Variants in NSMAF observed in about 807,000 individuals in gnomAD.
The protein encoded by NSMAF is neutral sphingomyelinase activation associated factor, also known as protein FAN.
In NSMAF, 90 loss-of-function variants were observed where a neutral mutation model predicts 134.9. The observed-to-expected ratio is 0.67, with a 90% confidence interval of 0.56 to 0.79. The LOEUF is 0.79. Among genes scored for constraint, NSMAF ranks in the 30% least tolerant of loss-of-function variants. The pLI is 0.00. For missense variants in NSMAF, 1,010 were observed against 1,119.0 expected, an observed-to-expected ratio of 0.90 and a Z score of 1.39; for synonymous variants, 358 against 389.6, an observed-to-expected ratio of 0.92 and a Z score of 0.96.
chr8:58,590,550 T>C (rs1430761938), intron 24 of NSMAF, among the ~76,000 whole-genome samples: 1 of 152,204 alleles, frequency 6.6e-6, no homozygotes, highest in African/African-American at 2.4e-5. Flanking sequence ...TCCTACCAAC[T>C]CAGAGATGCA....
At position 58,599,883 on chromosome 8, in the gene NSMAF, G is replaced by T; in HGVS notation, c.1333-13C>A. On this transcript the variant is annotated splice_polypyrimidine_tract_variant and intron_variant, in intron 17 of 30. Coordinates refer to ENST00000038176, the MANE Select transcript of NSMAF (RefSeq NM_003580.4). Reference sequence around the variant, plus strand: ...ATTCTGGAATTAACTGAAAGTTTCGGGGAAAAATAAAAAAGAACAACAAAC... The same window carrying T: ...ATTCTGGAATTAACTGAAAGTTTCGTGGAAAAATAAAAAAGAACAACAAAC... 6.2e-7 allele frequency: 1 copy of T among 1,611,458 alleles called. No individual in the cohort carries two copies. Among genetic ancestry groups the T allele is most frequent in the Non-Finnish European group, 8.5e-7 (1 of 1,179,346 alleles).
chr8:58,607,852 G>T lies in NSMAF; in HGVS notation c.688-12C>A, dbSNP rs1231148870. On this transcript the variant is annotated splice_polypyrimidine_tract_variant and intron_variant, in intron 10 of 30. Coordinates refer to ENST00000038176, the MANE Select transcript of NSMAF (RefSeq NM_003580.4). Reference sequence around the variant, plus strand: ...TGGACCACAGGTTTCTTTAAAAGTAGAAAGACAATCTCAAACATTATTGTT... The same window carrying T: ...TGGACCACAGGTTTCTTTAAAAGTATAAAGACAATCTCAAACATTATTGTT... The T allele has an allele frequency of 1.2e-6, 2 of 1,605,892 alleles. No individual in the cohort carries two copies. The highest frequency in any genetic ancestry group is 3.3e-5 in the Admixed American group (2 of 60,004).
At chr8:58,597,657 T>C in intron 20 of NSMAF, 107 bp from the exon 21 acceptor site, 5 of 1,098,402 alleles carry the variant, frequency 4.6e-6, no homozygotes, top group Non-Finnish European at 6.7e-6. Flanking sequence ...CCTCAAATAA[T>C]GACAGCAACT....
At chr8:58,592,462 A>T (rs372581839) in intron 23 of NSMAF, among the ~76,000 whole-genome samples, 8 of 152,368 alleles carry the variant, frequency 5.3e-5, no homozygotes, top group African/African-American at 1.9e-4. Flanking sequence ...ATACCTAAAC[A>T]TACTGTATAC....
At chr8:58,627,394 A>G (rs1303556323) in intron 6 of NSMAF, among the ~76,000 whole-genome samples, 1 of 152,210 alleles carries the variant, frequency 6.6e-6, no homozygotes, top group East Asian at 1.9e-4. Context: ...AAGGGCATCC[A>G]AATTGGAAAA....
At chr8:58,602,257 T>G in intron 13 of NSMAF, 120 bp from the exon 14 acceptor site, 1 of 659,000 alleles carries the variant, frequency 1.5e-6, no homozygotes, top group Non-Finnish European at 2.5e-6. Flanking sequence ...GAGCAATCCA[T>G]GAGAGTTATT....
chr8:58,596,728 G>C (rs1806143477), intron 21 of NSMAF, among the ~76,000 whole-genome samples: 1 of 152,110 alleles, frequency 6.6e-6, no homozygotes, highest in African/African-American at 2.4e-5. Context: ...AGGAGATCGA[G>C]ACCATCCTGG....
chr8:58,608,621 C>T (rs758603547), intron 10 of NSMAF, among the ~76,000 whole-genome samples: 116 of 152,304 alleles, frequency 7.6e-4, no homozygotes, highest in South Asian at 1.7e-3. Flanking sequence ...CTAGGGTACA[C>T]AGACATTTTT....
chr8:58,623,314 A>G (rs778689194), intron 8 of NSMAF, 42 bp from the exon 9 acceptor site: 5 of 1,569,448 alleles, frequency 3.2e-6, no homozygotes, highest in Non-Finnish European at 4.4e-6. Context: ...ATAAGTATTT[A>G]TAAGTAAAAT....
Position 58,590,040 on chromosome 8 carries a change from G to C in NSMAF, c.2054C>G (p.Ala685Gly). Residue 685 changes from alanine to glycine, a missense_variant, in exon 25 of 31, where the codon GCC (alanine) becomes GGC (glycine). Physicochemically the swap from Ala to Gly is moderately conservative, Grantham distance 60. Coordinates refer to ENST00000038176, the MANE Select transcript of NSMAF (RefSeq NM_003580.4). The part of the protein sequence containing the change: ...LSSCLLLPGD[A>G]TVITSSWDNN... ...ATCCCATGAAGAAGTTATGACAGTG[G>C]CATCTCCTGGTAAAAGTAAACAAGA... 1.2e-6 allele frequency: 2 copies of C among 1,613,910 alleles called. No individual in the cohort carries two copies. Among genetic ancestry groups the C allele is most frequent in the Non-Finnish European group, 1.7e-6 (2 of 1,179,806 alleles).
At position 58,612,355 on chromosome 8, in the gene NSMAF, G is replaced by A. The variant is rs75535763; in HGVS notation, c.558-2622C>T. Among the ~76,000 whole-genome samples the A allele has an allele frequency of 1.9e-3, 283 of 152,256 alleles. 12 individuals carry two copies. The East Asian group carries it at 0.052, about 28-fold the overall frequency. Reference sequence around the variant, plus strand: ...TCTGGGTTGCTGAAGACATCTATGTGCCAGGAGGGTGATGTACCCTCACTC... The same window carrying A: ...TCTGGGTTGCTGAAGACATCTATGTACCAGGAGGGTGATGTACCCTCACTC... On this transcript the variant is annotated intron_variant, in intron 9 of 30. Transcript: ENST00000038176.
intron 2 of NSMAF, among the ~76,000 whole-genome samples, chr8:58,642,447 T>C (rs1807357723): frequency 6.6e-6 from 1 of 152,230 alleles, no homozygotes; most frequent in South Asian, 2.1e-4. Context: ...GTTATTAAGA[T>C]ACTGAGAAAT....
At chr8:58,644,674 A>C (rs1807403426) in intron 1 of NSMAF, among the ~76,000 whole-genome samples, 1 of 152,228 alleles carries the variant, frequency 6.6e-6, no homozygotes, top group African/African-American at 2.4e-5. Context: ...ACATATGTTT[A>C]ATGCGGCACT....
In NSMAF at chr8:58,584,207, G is replaced by C; in HGVS notation, c.2660-7C>G. On this transcript the variant is annotated splice_polypyrimidine_tract_variant and splice_region_variant and intron_variant, in intron 30 of 30. Coordinates refer to ENST00000038176, the MANE Select transcript of NSMAF (RefSeq NM_003580.4). ...CATATACATGTCACAGCACCTGAGA[G>C]AAAGACATTTTGGTTAGTTAGGAAG... The C allele has an allele frequency of 6.2e-6, 10 of 1,609,816 alleles. No individual in the cohort carries two copies. Among genetic ancestry groups the C allele is most frequent in the Non-Finnish European group, 8.5e-6 (10 of 1,176,776 alleles).
chr8:58,599,413 T>G lies in NSMAF; in HGVS notation c.1454-50A>C, dbSNP rs200095681. On this transcript the variant is annotated intron_variant, in intron 18 of 30. Transcript: ENST00000038176. The stretch of plus-strand genomic sequence containing the variant: ...AATCATGGAGTCTTCATTTTTTTCC[T>G]CCCATTTCTCTTGTCTATCTATATG... 8.2e-6 allele frequency: 13 copies of G among 1,594,996 alleles called. No individual in the cohort carries two copies. In the East Asian group the frequency reaches 2.9e-4, roughly 36 times the overall value.
chr8:58,653,957 T>C (rs1163787984), intron 1 of NSMAF, among the ~76,000 whole-genome samples: 1 of 152,236 alleles, frequency 6.6e-6, no homozygotes, highest in Non-Finnish European at 1.5e-5. Flanking sequence ...GTAATACATT[T>C]TGGGTAAAGT....
chr8:58,656,693 G>T (rs1210556167), intron 1 of NSMAF, among the ~76,000 whole-genome samples: 4 of 151,970 alleles, frequency 2.6e-5, no homozygotes, highest in African/African-American at 9.7e-5. Context: ...AGCCGGGCGT[G>T]GTGACAGGCG....
chr8:58,592,319 T>C (rs1033295649), intron 23 of NSMAF, among the ~76,000 whole-genome samples: 4 of 151,734 alleles, frequency 2.6e-5, no homozygotes, highest in Admixed American at 1.3e-4. Flanking sequence ...ACCAAAAAAA[T>C]GGAAAAAGAA....
intron 23 of NSMAF, 168 bp from the exon 24 acceptor site, chr8:58,591,102 A>T: frequency 1.6e-6 from 1 of 637,778 alleles, no homozygotes; most frequent in Non-Finnish European, 2.4e-6. Context: ...CTAAGGCCTC[A>T]TCCAACATTA....
Sources: allele counts gnomAD v4.1 joint callset (sites outside exome capture counted in the v4.1 genomes callset), GRCh38; gene constraint gnomAD v4.1.1; transcripts MANE v1.5; gene names NCBI Gene and HGNC (gene_info 2026-07-23, HGNC 2026-07-21).